The following CDH18 variants were observed in gnomAD, a reference collection of about 807,000 sequenced individuals.
CDH18 encodes cadherin 18.
CDH18 carries 31 observed loss-of-function variants against 67.9 expected under a neutral mutation model. The ratio of observed to expected loss-of-function variants is 0.46; its 90% CI spans 0.34 to 0.62. The LOEUF (loss-of-function observed/expected upper bound fraction) is 0.62, where lower values mean the gene tolerates loss of function less well. Among genes scored for constraint, CDH18 ranks in the 20% least tolerant of loss-of-function variants. The pLI, the probability that CDH18 is intolerant of heterozygous loss-of-function variation, is 0.01. For synonymous variants in CDH18, 362 were observed against 347.2 expected (o/e 1.04, Z -0.48); for missense variants, 890 against 975.5 (o/e 0.91, Z 1.17).
intron 3 of CDH18, among the ~76,000 whole-genome samples, chr5:19,807,213 T>C (rs2149876483): frequency 6.6e-6 from 1 of 152,222 alleles, no homozygotes; most frequent in African/African-American, 2.4e-5. Flanking sequence ...AAATAGCTAA[T>C]GTATGCTGGG....
intron 5 of CDH18, among the ~76,000 whole-genome samples, chr5:19,685,928 A>AT (rs1160929437): frequency 6.6e-6 from 1 of 152,148 alleles, no homozygotes; most frequent in African/African-American, 2.4e-5. Context: ...CTCCATTTGA[A>AT]TTATAGCCCC....
At chr5:20,506,431 C>T (rs899883717) in intron 1 of CDH18, among the ~76,000 whole-genome samples, 4 of 152,188 alleles carry the variant, frequency 2.6e-5, no homozygotes, top group Non-Finnish European at 4.4e-5. Flanking sequence ...TGGCAAGGAA[C>T]GTAAGTGGCC....
rs375220504 is a variant in CDH18 at position 19,542,773 on chromosome 5, T to C, written c.1390+1096A>G. ...AATTAAGGTGAAAGAGTGTGGGGGA[T>C]TATGACTAAGTAATGCAGAATTTTT... On this transcript the variant is annotated intron_variant, in intron 9 of 12. Transcript: ENST00000382275. 6.0e-4 allele frequency among the ~76,000 whole-genome samples: 91 copies of C among 151,842 alleles called. 1 individual carries two copies. Among genetic ancestry groups the C allele is most frequent in the African/African-American group, 2.0e-3 (81 of 41,422 alleles).
At chr5:20,544,513 A>G (rs1326451680) in intron 1 of CDH18, among the ~76,000 whole-genome samples, 1 of 152,150 alleles carries the variant, frequency 6.6e-6, no homozygotes, top group Non-Finnish European at 1.5e-5. Context: ...GCATCAGGAA[A>G]CTAACAATCA....
rs193258897 is a variant in CDH18, at chr5:19,827,224, C to G, written c.228+11535G>C. Among the ~76,000 whole-genome samples, 3 of 150,746 alleles carry G rather than the reference C, an allele frequency of 2.0e-5. No homozygotes were observed. In the East Asian group the frequency reaches 5.9e-4, roughly 30 times the overall value. On this transcript the variant is annotated intron_variant, in intron 3 of 12. Transcript: ENST00000382275. ...TACACCAAACAGGATGTCCCAAGTT[C>G]ATAAAGCAAGTTCTTAGAAATTTAC...
chr5:19,964,357 G>A (rs1797215265), intron 2 of CDH18, among the ~76,000 whole-genome samples: 1 of 151,060 alleles, frequency 6.6e-6, no homozygotes, highest in Non-Finnish European at 1.5e-5. Context: ...AAGGTGGAAG[G>A]ATCACTTGAG....
At chr5:20,168,435 C>G (rs1046716438) in intron 2 of CDH18, among the ~76,000 whole-genome samples, 2 of 151,892 alleles carry the variant, frequency 1.3e-5, no homozygotes, top group Non-Finnish European at 2.9e-5. Context: ...AAAAAATAAA[C>G]ATTATTATTT....
chr5:20,059,779 G>A (rs938735780), intron 2 of CDH18, among the ~76,000 whole-genome samples: 2 of 152,164 alleles, frequency 1.3e-5, no homozygotes, highest in Non-Finnish European at 2.9e-5. Flanking sequence ...TATACACCAT[G>A]GATTACTATG....
intron 8 of CDH18, among the ~76,000 whole-genome samples, chr5:19,567,034 T>A (rs1216507608): frequency 6.6e-6 from 1 of 151,934 alleles, no homozygotes; most frequent in Admixed American, 6.6e-5. Flanking sequence ...ATTAGAACAA[T>A]TGAACCCAAG....
chr5:19,791,934 C>G (rs891070552), intron 3 of CDH18, among the ~76,000 whole-genome samples: 2 of 152,100 alleles, frequency 1.3e-5, no homozygotes, highest in Admixed American at 6.6e-5. Context: ...ACACAGTGTT[C>G]CACAACAGAC....
intron 2 of CDH18, among the ~76,000 whole-genome samples, chr5:20,008,477 C>G (rs891487531): frequency 4.6e-5 from 7 of 152,112 alleles, no homozygotes; most frequent in African/African-American, 1.7e-4. Flanking sequence ...ATGTTATGGG[C>G]AATCTGTTCT....
chr5:20,308,079 CTTTTTTTTTTTTT>C (rs759117114), intron 1 of CDH18, among the ~76,000 whole-genome samples: 3 of 85,434 alleles, frequency 3.5e-5, no homozygotes, highest in East Asian at 7.2e-4. Context: ...AATACTACTG[CTTTTTTTTTTTTT>C]TTTTTTTTTT....
At chr5:19,635,835 T>C (rs1414334782) in intron 5 of CDH18, among the ~76,000 whole-genome samples, 1 of 152,186 alleles carries the variant, frequency 6.6e-6, no homozygotes, top group East Asian at 1.9e-4. Flanking sequence ...AGGATCATAT[T>C]ATCCAAAGTA....
rs149720916 is a variant in CDH18, at chr5:19,638,654, C to G, written c.644-26053G>C. ...CAGTAGGAGGTTCCTGCCTTCCCCC[C>G]CCGCGCCCCACATAAAAAAATTATC... On this transcript the variant is annotated intron_variant, in intron 5 of 12. Coordinates refer to ENST00000382275, the MANE Select transcript of CDH18 (RefSeq NM_004934.5). Among the ~76,000 whole-genome samples the G allele has an allele frequency of 1.8e-4, 27 of 151,640 alleles. No individual in the cohort carries two copies. In the East Asian group the frequency reaches 2.3e-3, roughly 13 times the overall value.
chr5:19,698,541 T>C (rs956374818), intron 5 of CDH18, among the ~76,000 whole-genome samples: 5 of 152,050 alleles, frequency 3.3e-5, no homozygotes, highest in Non-Finnish European at 7.4e-5. Context: ...GTGTTTTAAT[T>C]ATAAAATAAA....
intron 1 of CDH18, among the ~76,000 whole-genome samples, chr5:20,370,233 A>G (rs1056933988): frequency 3.3e-5 from 5 of 151,400 alleles, no homozygotes; most frequent in Admixed American, 2.6e-4. Context: ...CGTCATCATT[A>G]TTATCCTTAT....
chr5:20,115,692 C>G (rs937356007), intron 2 of CDH18, among the ~76,000 whole-genome samples: 1 of 152,012 alleles, frequency 6.6e-6, no homozygotes, highest in Non-Finnish European at 1.5e-5. Context: ...GAATCAGAGT[C>G]AAGGAATCCT....
intron 3 of CDH18, among the ~76,000 whole-genome samples, chr5:19,807,407 A>G (rs1310668414): frequency 6.6e-6 from 1 of 152,238 alleles, no homozygotes; most frequent in African/African-American, 2.4e-5. Context: ...AAACACCATT[A>G]ATGTGGCACA....
chr5:20,307,905 A>ATAAG lies in CDH18; in HGVS notation c.-579-52401_-579-52400insCTTA, dbSNP rs5866421. Among the ~76,000 whole-genome samples the ATAAG allele has an allele frequency of 2.2e-3, 329 of 152,188 alleles. 1 individual carries two copies. Among genetic ancestry groups the ATAAG allele is most frequent in the Non-Finnish European group, 2.9e-3 (198 of 67,998 alleles). On this transcript the variant is annotated intron_variant, in intron 1 of 14. Transcript: ENST00000507958. ...CACTTTTAGTCCTTCATTAACCTTA[A>ATAAG]ACATTTATATTTTCACATATATGAA...
Sources: gnomAD v4.1 joint callset for allele counts (sites outside exome capture counted in the v4.1 genomes callset) on GRCh38, gnomAD v4.1.1 for gene constraint, MANE v1.5 for transcripts, NCBI Gene and HGNC (gene_info 2026-07-23, HGNC 2026-07-21) for gene names.